TMEM239: variants seen among roughly 807,000 people sequenced by gnomAD.
The protein encoded by TMEM239 is transmembrane protein 239.
A neutral mutation model predicts 14.6 loss-of-function variants in TMEM239; 10 were observed. That is an observed-to-expected ratio of 0.68 (90% CI 0.42 to 1.16). The LOEUF is 1.16. Ranked by LOEUF, TMEM239 falls within the 50% of genes most tolerant of loss-of-function variation. The pLI, the probability that TMEM239 is intolerant of heterozygous loss-of-function variation, is 0.00. For missense variants in TMEM239, 183 were observed against 194.4 expected (o/e 0.94, Z 0.35); for synonymous variants, 94 against 89.9 (o/e 1.05, Z -0.26).
chr20:2,816,322 A>C (rs1410513778), upstream of TMEM239: 1 of 1,535,258 alleles, frequency 6.5e-7, no homozygotes, highest in Admixed American at 2.0e-5. Flanking sequence ...TCCTCTGGGG[A>C]GGGTGGGGGT....
At chr20:2,819,637 G>A (rs1369767927), downstream of TMEM239, 6 of 150,020 alleles carry the variant, frequency 4.0e-5, no homozygotes, top group East Asian at 1.2e-3. Context: ...GAGTGCAGTG[G>A]TGCAATCTCG....
In TMEM239 at chr20:2,817,442, A is replaced by AG; in HGVS notation, c.*429_*430insG. On this transcript the variant is annotated 3_prime_UTR_variant, in exon 2 of 2. Coordinates refer to ENST00000380585, the MANE Select transcript of TMEM239 (RefSeq NM_001167670.3). ...CACTGGCCTTGCCATTCCTCCCACC[A>AG]ATCCCCTCTTTCCACTTCCAGGAGA... 7.4e-6 allele frequency: 2 copies of AG among 270,230 alleles called. No individual in the cohort carries two copies. Among genetic ancestry groups the AG allele is most frequent in the Admixed American group, 4.8e-5 (1 of 20,922 alleles). 16.7% of individuals were successfully genotyped at this position (270,230 alleles called of 1,614,324 possible).
Position 2,817,108 on chromosome 20 carries a change from C to T in TMEM239, c.*95C>T. ...GGGAGGGCAATGGGATCAGGGCTCC[C>T]TGCCTTGGCAGGGCCCAGACCCCTA... On this transcript the variant is annotated 3_prime_UTR_variant, in exon 2 of 2. Coordinates refer to ENST00000380585, the MANE Select transcript of TMEM239 (RefSeq NM_001167670.3). 6.8e-7 allele frequency: 1 copy of T among 1,462,398 alleles called. No homozygotes were observed. The highest frequency in any genetic ancestry group is 9.1e-7 in the Non-Finnish European group (1 of 1,101,830). The allele number at this position is 1,462,398 out of a possible 1,614,324, so 90.6% of individuals were successfully genotyped here.
rs989982116 is a variant in TMEM239 at position 2,817,792 on chromosome 20, G to T, written c.*779G>T. On this transcript the variant is annotated 3_prime_UTR_variant, in exon 2 of 2. Coordinates refer to ENST00000380585, the MANE Select transcript of TMEM239 (RefSeq NM_001167670.3). ...CCTCAATGTTACGTGGGCCACTTCT[G>T]TCATGGGGTTGTTGTGAGTCAAAGA... is the stretch of plus-strand genomic sequence containing the variant. 1 of 152,302 alleles carries T rather than the reference G, an allele frequency of 6.6e-6. No homozygotes were observed. The highest frequency in any genetic ancestry group is 2.4e-5 in the African/African-American group (1 of 41,458). The allele number at this position is 152,302 out of a possible 1,614,324, so 9.4% of individuals were successfully genotyped here.
At chr20:2,816,093 G>A (rs900675096), upstream of TMEM239, among the ~76,000 whole-genome samples, 20 of 152,194 alleles carry the variant, frequency 1.3e-4, no homozygotes, top group Admixed American at 6.5e-5. Context: ...CGAGAGAGCA[G>A]TTTGGAAAGG....
chr20:2,816,490 T>TC, intron 1 of TMEM239, 54 bp from the exon 2 acceptor site: 1 of 1,297,454 alleles, frequency 7.7e-7, no homozygotes, highest in Non-Finnish European at 1.0e-6. Flanking sequence ...ACCCCCTCTC[T>TC]GCCCCCCCCC....
downstream of TMEM239, chr20:2,819,167 T>A (rs1443277394): frequency 6.6e-6 from 1 of 152,240 alleles, no homozygotes; most frequent in Admixed American, 6.5e-5. Flanking sequence ...CATCATTGAC[T>A]TGGCCATGCA....
intron 1 of TMEM239, 50 bp from the exon 2 acceptor site, chr20:2,816,494 C>A (rs772178589): frequency 7.4e-5 from 91 of 1,229,452 alleles, no homozygotes; most frequent in Admixed American, 6.3e-4. Flanking sequence ...CCTCTCTGCC[C>A]CCCCCCCCCA....
chr20:2,815,950 C>G (rs572761992), upstream of TMEM239: 90 of 653,820 alleles, frequency 1.4e-4, no homozygotes, highest in South Asian at 1.7e-3. Context: ...CTTTGGGCAG[C>G]AAGAGAAGGT....
At chr20:2,815,905 C>T (rs2088663478), upstream of TMEM239, 1 of 754,314 alleles carries the variant, frequency 1.3e-6, no homozygotes, top group Admixed American at 2.3e-5. Context: ...ACCTCACAGT[C>T]CTATAATATA....
Position 2,817,096 on chromosome 20 carries a change from G to T in TMEM239, c.*83G>T. On this transcript the variant is annotated 3_prime_UTR_variant, in exon 2 of 2. Transcript: ENST00000380585. ...CCCACGGGGAGAGGGAGGGCAATGGGATCAGGGCTCCCTGCCTTGGCAGGG... is the reference window on the plus strand; with the variant it reads ...CCCACGGGGAGAGGGAGGGCAATGGTATCAGGGCTCCCTGCCTTGGCAGGG... 1 of 1,493,764 alleles carries T rather than the reference G, an allele frequency of 6.7e-7. No homozygotes were observed. Among genetic ancestry groups the T allele is most frequent in the South Asian group, 1.3e-5 (1 of 78,718 alleles). 92.5% of individuals were successfully genotyped at this position (1,493,764 alleles called of 1,614,324 possible). A position where few individuals can be genotyped will look rare whatever the true frequency, so the allele number is the denominator to read the frequency against.
downstream of TMEM239, chr20:2,819,729 C>G (rs1476996142): frequency 6.6e-6 from 1 of 152,120 alleles, no homozygotes; most frequent in Non-Finnish European, 1.5e-5. Flanking sequence ...GCGCCTGCCA[C>G]CGAGTCCGAC....
chr20:2,818,483 CT>C (rs2088699941), downstream of TMEM239: 1 of 152,330 alleles, frequency 6.6e-6, no homozygotes, highest in Non-Finnish European at 1.5e-5. Context: ...GGGCTAGCCC[CT>C]AGAACCCTGG....
chr20:2,816,497 C>A lies in TMEM239; in HGVS notation c.-11-47C>A, dbSNP rs759915525. The A allele has an allele frequency of 3.8e-4, 581 of 1,530,090 alleles. 1 individual carries two copies. The highest frequency in any genetic ancestry group is 4.3e-4 in the Admixed American group (22 of 50,708). The allele number at this position is 1,530,090 out of a possible 1,614,324, so 94.8% of individuals were successfully genotyped here. ...ACCCCTGCACCCCCTCTCTGCCCCCCCCCCCCAAGGTCCCAGGCATCTTCA... is the reference window on the plus strand; with the variant it reads ...ACCCCTGCACCCCCTCTCTGCCCCCACCCCCCAAGGTCCCAGGCATCTTCA... On this transcript the variant is annotated intron_variant, in intron 1 of 1. Coordinates refer to ENST00000380585, the MANE Select transcript of TMEM239 (RefSeq NM_001167670.3).
At position 2,816,727 on chromosome 20, in the gene TMEM239, T is replaced by C. The variant is rs1421266708; in HGVS notation, c.173T>C (p.Leu58Pro). 2.6e-6 allele frequency: 4 copies of C among 1,549,630 alleles called. No homozygotes were observed. In the Admixed American group the frequency reaches 5.9e-5, roughly 23 times the overall value. ...WWSTSNWRQP[L>P]QRLLWGLEGI... The stretch of plus-strand genomic sequence containing the variant: ...AGCACCTCGAACTGGCGGCAACCGC[T>C]GCAGCGCCTGCTGTGGGGTCTGGAG... The change falls in exon 2 of 2, where the codon CTG becomes CCG. Residue 58 changes from leucine to proline, a missense_variant. Physicochemically the swap from Leu to Pro is moderately conservative, Grantham distance 98 (BLOSUM62 -3). Transcript: ENST00000380585.
chr20:2,816,277 G>A (rs995006167), upstream of TMEM239: 14 of 1,477,856 alleles, frequency 9.5e-6, no homozygotes, highest in Non-Finnish European at 1.2e-5. Context: ...TCCTCTCTTG[G>A]CTGGACCCCA....
Position 2,817,336 on chromosome 20 carries a change from CTT to C in TMEM239, c.*324_*325del. On this transcript the variant is annotated 3_prime_UTR_variant, in exon 2 of 2. Coordinates refer to ENST00000380585, the MANE Select transcript of TMEM239 (RefSeq NM_001167670.3). Reference sequence around the variant, plus strand: ...GATGTGATGATACCCGTGGGGCCCCCTTGGCAACTGACAGCATCTTTTTCTCA... The same window carrying C: ...GATGTGATGATACCCGTGGGGCCCCCGGCAACTGACAGCATCTTTTTCTCA... 2.0e-6 allele frequency: 1 copy of C among 503,592 alleles called. No individual in the cohort carries two copies. Among genetic ancestry groups the C allele is most frequent in the Non-Finnish European group, 3.5e-6 (1 of 286,238 alleles). 31.2% of individuals were successfully genotyped at this position (503,592 alleles called of 1,614,324 possible).
At chr20:2,816,458 C>T (rs2088670639) in intron 1 of TMEM239, 43 bp downstream of exon 1, 1 of 1,533,516 alleles carries the variant, frequency 6.5e-7, no homozygotes, top group Non-Finnish European at 8.7e-7. Context: ...CCCACGCACA[C>T]TGGTGCCCTC....
Position 2,817,008 on chromosome 20 carries a change from C to A in TMEM239, c.454C>A (p.Gln152Lys). The change falls in exon 2 of 2, where the codon CAA becomes AAA. Residue 152 changes from glutamine (Q) to lysine (K), a missense_variant. Transcript: ENST00000380585. The part of the protein sequence containing the change: ...THPGDTQDLD[Q>K] ...CCCAGGCGACACTCAGGATTTGGATCAATAGAAGGGCAACCCCATCCCACT... is the reference window on the plus strand; with the variant it reads ...CCCAGGCGACACTCAGGATTTGGATAAATAGAAGGGCAACCCCATCCCACT... The A allele has an allele frequency of 6.5e-7, 1 of 1,537,918 alleles. No homozygotes were observed. The highest frequency in any genetic ancestry group is 8.7e-7 in the Non-Finnish European group (1 of 1,147,062).
Sources: gnomAD v4.1 joint callset for allele counts (sites outside exome capture counted in the v4.1 genomes callset) on GRCh38, gnomAD v4.1.1 for gene constraint, MANE v1.5 for transcripts, NCBI Gene and HGNC (gene_info 2026-07-23, HGNC 2026-07-21) for gene names.